Variants in HPS5 observed in about 807,000 individuals in gnomAD.
The protein encoded by HPS5 is BLOC-2 complex member HPS5.
A neutral mutation model predicts 128.0 loss-of-function variants in HPS5; 83 were observed. That is an observed-to-expected ratio of 0.65 (90% CI 0.54 to 0.78). The LOEUF (loss-of-function observed/expected upper bound fraction) is 0.78. Among genes scored for constraint, HPS5 ranks in the 30% least tolerant of loss-of-function variants. The pLI is 0.00. For missense variants in HPS5, 1,281 were observed against 1,326.2 expected (o/e 0.97, Z 0.53); for synonymous variants, 475 against 470.2 (o/e 1.01, Z -0.13).
intron 17 of HPS5, 90 bp downstream of exon 17, chr11:18,287,803 C>A: frequency 6.3e-7 from 1 of 1,588,564 alleles, no homozygotes; most frequent in South Asian, 1.1e-5. Context: ...GAAGCTGCCT[C>A]ATATGCAAAT....
intron 7 of HPS5, among the ~76,000 whole-genome samples, chr11:18,305,884 C>T (rs1489001400): frequency 6.6e-6 from 1 of 152,146 alleles, no homozygotes; most frequent in African/African-American, 2.4e-5. Context: ...CATGCGCCAC[C>T]ACACCCAGCT....
At chr11:18,280,913 G>A (rs1858812418) in intron 22 of HPS5, among the ~76,000 whole-genome samples, 1 of 143,616 alleles carries the variant, frequency 7.0e-6, no homozygotes, top group South Asian at 2.3e-4. Context: ...TTTAATGGGT[G>A]TGGAGTTTCA....
Position 18,310,887 on chromosome 11 carries a change from T to A in HPS5, c.331A>T (p.Lys111Ter). The A allele has an allele frequency of 6.2e-7, 1 of 1,609,586 alleles. No individual in the cohort carries two copies. The highest frequency in any genetic ancestry group is 8.5e-7 in the Non-Finnish European group (1 of 1,178,420). The change falls in exon 5 of 23, where the codon AAA (lysine) becomes TAA (stop). Residue 111 changes from lysine (K) to a stop codon, truncating the protein, a stop_gained. Coordinates refer to ENST00000349215, the MANE Select transcript of HPS5 (RefSeq NM_181507.2). LOFTEE classifies it high-confidence loss of function. ...GAAGACACATACATTTGTTCCGGTT[T>A]CCCACGACGCTCTTGATTTAATTCC... ...VWELNQERRG[K>*]PEQMYVSSEH...
At chr11:18,307,054 T>C (rs1862459417) in intron 6 of HPS5, among the ~76,000 whole-genome samples, 1 of 152,220 alleles carries the variant, frequency 6.6e-6, no homozygotes, top group Non-Finnish European at 1.5e-5. Flanking sequence ...AATTACACGC[T>C]TCCTATGCTT....
intron 3 of HPS5, 139 bp downstream of exon 3, chr11:18,311,775 T>C (rs991239589): frequency 1.1e-5 from 8 of 760,266 alleles, no homozygotes; most frequent in African/African-American, 1.0e-4. Flanking sequence ...CCTCCCAAAA[T>C]GCTGGGATTA....
intron 4 of HPS5, 148 bp downstream of exon 4, chr11:18,311,239 A>T: frequency 8.9e-6 from 6 of 673,994 alleles, no homozygotes; most frequent in Non-Finnish European, 1.6e-5. Flanking sequence ...TTTGCTGGGT[A>T]CTGAGAGATT....
At chr11:18,310,994 C>T (rs1564975766) in intron 4 of HPS5, 61 bp from the exon 5 acceptor site, 3 of 1,218,798 alleles carry the variant, frequency 2.5e-6, no homozygotes, top group South Asian at 1.2e-5. Flanking sequence ...AATTTTGTTG[C>T]ATCACAGTAT....
Position 18,279,325 on chromosome 11 carries a change from G to A in HPS5, c.*557C>T, listed in dbSNP as rs1012329664. On this transcript the variant is annotated 3_prime_UTR_variant, in exon 23 of 23. Coordinates refer to ENST00000349215, the MANE Select transcript of HPS5 (RefSeq NM_181507.2). Reference sequence around the variant, plus strand: ...GTTGGGATTACAGGCCTGAGCCACTGCACCCAGTCCCATTTTACTTAAATA... The same window carrying A: ...GTTGGGATTACAGGCCTGAGCCACTACACCCAGTCCCATTTTACTTAAATA... The A allele has an allele frequency of 1.9e-5, 3 of 157,762 alleles. No homozygotes were observed. Among genetic ancestry groups the A allele is most frequent in the Non-Finnish European group, 2.8e-5 (2 of 71,476 alleles). The allele number at this position is 157,762 out of a possible 1,614,324, so 9.8% of individuals were successfully genotyped here.
Position 18,291,637 on chromosome 11 carries a change from C to T in HPS5, c.2245G>A (p.Val749Ile), listed in dbSNP as rs1352086417. ...GTGCTTTTGATCTTAGAATTCAATACATTCAACTCCAAACATAATGTTGTC... is the reference window on the plus strand; with the variant it reads ...GTGCTTTTGATCTTAGAATTCAATATATTCAACTCCAAACATAATGTTGTC... ...ELTTLCLELNVLNSKIKSTSG... is the reference protein window; with the variant it reads ...ELTTLCLELNILNSKIKSTSG... Residue 749 changes from valine to isoleucine, a missense_variant, in exon 16 of 23, where the codon GTA (valine) becomes ATA (isoleucine). By Grantham distance (29) the Val-to-Ile change is conservative. Transcript: ENST00000349215. 3.7e-6 allele frequency: 6 copies of T among 1,614,216 alleles called. No individual in the cohort carries two copies. Among genetic ancestry groups the T allele is most frequent in the Middle Eastern group, 1.6e-4 (1 of 6,062 alleles).
intron 14 of HPS5, among the ~76,000 whole-genome samples, chr11:18,293,798 T>C (rs1590078226): frequency 6.6e-6 from 1 of 152,062 alleles, no homozygotes; most frequent in South Asian, 2.1e-4. Context: ...TGAAGAAAGG[T>C]AGTGAAGTGT....
At position 18,313,056 on chromosome 11, in the gene HPS5, C is replaced by T. The variant is rs1863187606; in HGVS notation, c.109-1032G>A. Among the ~76,000 whole-genome samples, 3 of 152,174 alleles carry T rather than the reference C, an allele frequency of 2.0e-5. No homozygotes were observed. In the South Asian group the frequency reaches 6.2e-4, roughly 32 times the overall value. ...CCCTTTCCTCAGATGCTAGTATCTC[C>T]TTTAGGGCAGTAGCAAAAGTATAAA... On this transcript the variant is annotated intron_variant, in intron 2 of 22. Coordinates refer to ENST00000349215, the MANE Select transcript of HPS5 (RefSeq NM_181507.2).
At chr11:18,311,798 A>G in intron 3 of HPS5, 116 bp downstream of exon 3, 1 of 856,558 alleles carries the variant, frequency 1.2e-6, no homozygotes, top group Non-Finnish European at 2.0e-6. Context: ...GGCGTGAGAC[A>G]CCGCACCAAG....
chr11:18,310,637 C>T (rs1378457962), intron 5 of HPS5, 104 bp downstream of exon 5: 4 of 980,230 alleles, frequency 4.1e-6, no homozygotes, highest in South Asian at 1.6e-5. Context: ...CCGGATTAGT[C>T]TCCCAAGAAA....
At chr11:18,317,118 C>G (rs1358822774) in intron 2 of HPS5, among the ~76,000 whole-genome samples, 1 of 151,674 alleles carries the variant, frequency 6.6e-6, no homozygotes, top group Admixed American at 6.6e-5. Flanking sequence ...GGTGTGAACC[C>G]GGGAGGCGGA....
rs1418496262 is a variant in HPS5 at position 18,282,386 on chromosome 11, TTG to T, written c.3059-168_3059-167del. Among the ~76,000 whole-genome samples, 3 of 152,226 alleles carry T rather than the reference TTG, an allele frequency of 2.0e-5. No homozygotes were observed. In the East Asian group the frequency reaches 5.8e-4, roughly 29 times the overall value. On this transcript the variant is annotated intron_variant, in intron 21 of 22. Transcript: ENST00000349215. ...GTTTTCTGAAAATTTGTTGTATAAA[TTG>T]TTCATGAGAAAGAGAAGCCACAAAA... is the stretch of plus-strand genomic sequence containing the variant.
intron 16 of HPS5, among the ~76,000 whole-genome samples, chr11:18,288,865 C>G (rs116564645): frequency 2.7e-5 from 4 of 150,638 alleles, no homozygotes; most frequent in Admixed American, 6.6e-5. Context: ...AGCTGCAATA[C>G]CTGGGTGTGT....
In HPS5 at chr11:18,296,041, C is replaced by T. The variant is rs755697317; in HGVS notation, c.1592G>A (p.Arg531His). Residue 531 changes from arginine to histidine, a missense_variant, in exon 13 of 23, where the codon CGT (arginine) becomes CAT (histidine). Physicochemically the swap from Arg to His is conservative, Grantham distance 29. Coordinates refer to ENST00000349215, the MANE Select transcript of HPS5 (RefSeq NM_181507.2). Reference sequence around the variant, plus strand: ...AAGAGACACAAGAGGAGATGGAGAACGAAATGGTAATGGAATGCCGAACGG... The same window carrying T: ...AAGAGACACAAGAGGAGATGGAGAATGAAATGGTAATGGAATGCCGAACGG... ...FLPFGIPLPF[R>H]SPSPLVSLQA... is the part of the protein sequence containing the mutation. The T allele has an allele frequency of 1.8e-5, 29 of 1,613,518 alleles. No homozygotes were observed. Among genetic ancestry groups the T allele is most frequent in the South Asian group, 1.2e-4 (11 of 91,052 alleles).
At chr11:18,296,621 C>T in intron 12 of HPS5, 177 bp downstream of exon 12, 1 of 743,468 alleles carries the variant, frequency 1.3e-6, no homozygotes, top group Non-Finnish European at 2.4e-6. Flanking sequence ...AAATACTAAA[C>T]ATAAACCAAC....
At chr11:18,319,497 T>C (rs1247894913) in intron 1 of HPS5, among the ~76,000 whole-genome samples, 1 of 152,034 alleles carries the variant, frequency 6.6e-6, no homozygotes, top group Non-Finnish European at 1.5e-5. Flanking sequence ...ATGCAGAATA[T>C]ACTAGAAGAA....
Sources: gnomAD v4.1 joint callset for allele counts (sites outside exome capture counted in the v4.1 genomes callset) on GRCh38, gnomAD v4.1.1 for gene constraint, MANE v1.5 for transcripts, NCBI Gene and HGNC (gene_info 2026-07-23, HGNC 2026-07-21) for gene names.